Variants in ZNF804B observed in about 807,000 individuals in gnomAD.
ZNF804B encodes zinc finger 804B.
ZNF804B carries 80 observed loss-of-function variants against 101.4 expected under a neutral mutation model. The observed-to-expected ratio is 0.79, with a 90% CI of 0.66 to 0.95. The LOEUF is 0.95. Among genes scored for constraint, ZNF804B ranks in the 40% least tolerant of loss-of-function variants. ZNF804B has a pLI of 0.00. For missense variants in ZNF804B, 1,673 were observed against 1,561.9 expected (o/e 1.07, Z -1.20); for synonymous variants, 622 against 558.8 (o/e 1.11, Z -1.59).
At chr7:88,785,913 G>A (rs1033942295) in intron 1 of ZNF804B, among the ~76,000 whole-genome samples, 6 of 152,030 alleles carry the variant, frequency 3.9e-5, no homozygotes, top group Non-Finnish European at 7.4e-5. Context: ...TCTAAATTAG[G>A]TGAAGTTAGG....
rs534524551 is a variant in ZNF804B, at chr7:89,218,168, A to G, written c.122A>G (p.Lys41Arg). The change falls in exon 2 of 4, where the codon AAG (lysine) becomes AGG (arginine). Residue 41 changes from lysine to arginine, a missense_variant. Lys to Arg is a conservative substitution (Grantham distance 26). Coordinates refer to ENST00000333190, the MANE Select transcript of ZNF804B (RefSeq NM_181646.5). ...NGSPSPDFAE[K>R]KSTAKALEDV... ...TTTTTCTTAAAGGATTTTGCAGAAAAGAAGTCCACAGCAAAGGCCCTGGAA... is the reference window on the plus strand; with the variant it reads ...TTTTTCTTAAAGGATTTTGCAGAAAGGAAGTCCACAGCAAAGGCCCTGGAA... The G allele has an allele frequency of 2.5e-6, 4 of 1,612,138 alleles. 1 individual carries two copies. The African/African-American group carries it at 4.0e-5, about 16-fold the overall frequency.
chr7:89,021,874 AG>A (rs933707259), intron 1 of ZNF804B, among the ~76,000 whole-genome samples: 12 of 152,176 alleles, frequency 7.9e-5, no homozygotes, highest in African/African-American at 2.9e-4. Flanking sequence ...TGGGACACAA[AG>A]GGTCAGTAGG....
intron 1 of ZNF804B, among the ~76,000 whole-genome samples, chr7:88,957,874 T>C (rs17302169): frequency 0.02 from 3,079 of 151,380 alleles, 60 homozygotes; most frequent in Non-Finnish European, 0.032. Context: ...ACTTCTAAAA[T>C]ACTTAGTCTC....
At chr7:89,024,132 C>A (rs1403579373) in intron 1 of ZNF804B, among the ~76,000 whole-genome samples, 3 of 152,174 alleles carry the variant, frequency 2.0e-5, no homozygotes, top group Non-Finnish European at 4.4e-5. Flanking sequence ...CTAATAATAT[C>A]CCACTGGCTA....
intron 1 of ZNF804B, among the ~76,000 whole-genome samples, chr7:88,894,504 C>T (rs1454772464): frequency 6.6e-6 from 1 of 151,958 alleles, no homozygotes; most frequent in African/African-American, 2.4e-5. Context: ...GAGCCACCGC[C>T]CCTGGCCCAA....
At chr7:89,289,522 TAC>T (rs1373919771) in intron 2 of ZNF804B, among the ~76,000 whole-genome samples, 1 of 152,136 alleles carries the variant, frequency 6.6e-6, no homozygotes, top group East Asian at 1.9e-4. Flanking sequence ...AGCCATGTGG[TAC>T]AGAGAGAATC....
intron 1 of ZNF804B, among the ~76,000 whole-genome samples, chr7:89,161,679 C>G (rs541646632): frequency 7.1e-4 from 108 of 152,102 alleles, no homozygotes; most frequent in African/African-American, 2.5e-3. Flanking sequence ...CATGAACCAC[C>G]ACACCTGGCC....
At chr7:88,940,007 T>C (rs1793033442) in intron 1 of ZNF804B, among the ~76,000 whole-genome samples, 1 of 151,974 alleles carries the variant, frequency 6.6e-6, no homozygotes, top group South Asian at 2.1e-4. Context: ...AGTAATAATA[T>C]GGAAAATTAA....
chr7:89,251,710 TAGAA>T (rs1175585205), intron 2 of ZNF804B, among the ~76,000 whole-genome samples: 1 of 151,856 alleles, frequency 6.6e-6, no homozygotes, highest in Non-Finnish European at 1.5e-5. Flanking sequence ...ATTACAAAAA[TAGAA>T]AGACCAATGG....
At chr7:88,766,704 T>C (rs1356215455) in intron 1 of ZNF804B, among the ~76,000 whole-genome samples, 1 of 152,224 alleles carries the variant, frequency 6.6e-6, no homozygotes, top group African/African-American at 2.4e-5. Context: ...TATATTTTGC[T>C]GTTTTAATGT....
At chr7:89,086,293 G>A (rs1275185588) in intron 1 of ZNF804B, among the ~76,000 whole-genome samples, 3 of 151,946 alleles carry the variant, frequency 2.0e-5, no homozygotes, top group Non-Finnish European at 2.9e-5. Context: ...ATTTCGTGAT[G>A]CAGAAATGTA....
At chr7:88,820,897 G>A (rs1423312587) in intron 1 of ZNF804B, among the ~76,000 whole-genome samples, 2 of 152,126 alleles carry the variant, frequency 1.3e-5, no homozygotes, top group Non-Finnish European at 2.9e-5. Context: ...GGGGAGAAAA[G>A]ACTGTGAATA....
intron 1 of ZNF804B, among the ~76,000 whole-genome samples, chr7:89,143,783 A>T (rs1562896115): frequency 6.6e-6 from 1 of 152,020 alleles, no homozygotes; most frequent in Non-Finnish European, 1.5e-5. Context: ...TATAACAAGT[A>T]AGTATGAGTT....
intron 1 of ZNF804B, among the ~76,000 whole-genome samples, chr7:89,006,559 A>T (rs937188257): frequency 6.6e-6 from 1 of 152,048 alleles, no homozygotes. Flanking sequence ...TAGATAAAAT[A>T]ATAGTTATTA....
chr7:89,055,934 G>A (rs1005147284), intron 1 of ZNF804B, among the ~76,000 whole-genome samples: 11 of 152,250 alleles, frequency 7.2e-5, no homozygotes, highest in South Asian at 4.1e-4. Flanking sequence ...TTCTCAGGTG[G>A]TTGATTTTTC....
chr7:89,294,142 G>T (rs1396347118), intron 2 of ZNF804B, among the ~76,000 whole-genome samples: 1 of 152,142 alleles, frequency 6.6e-6, no homozygotes, highest in Non-Finnish European at 1.5e-5. Flanking sequence ...ATGCATTCAA[G>T]AAAAGTAGTT....
rs1304148894 is a variant in ZNF804B, at chr7:89,335,549, C to T, written c.2567C>T (p.Ser856Phe). The T allele has an allele frequency of 6.2e-7, 1 of 1,613,918 alleles. No individual in the cohort carries two copies. Among genetic ancestry groups the T allele is most frequent in the Admixed American group, 1.7e-5 (1 of 59,942 alleles). Reference sequence around the variant, plus strand: ...GGAACTCAGCACGACAGATTGGACTCTTACTCAATAGAGAAAATGTATTAC... The same window carrying T: ...GGAACTCAGCACGACAGATTGGACTTTTACTCAATAGAGAAAATGTATTAC... ...CQGTQHDRLD[S>F]YSIEKMYYLN... The change falls in exon 4 of 4, where the codon TCT becomes TTT. Residue 856 changes from serine (S) to phenylalanine (F), a missense_variant. Ser to Phe is a radical substitution (Grantham distance 155). Transcript: ENST00000333190.
chr7:88,930,768 T>C (rs1792870889), intron 1 of ZNF804B, among the ~76,000 whole-genome samples: 1 of 151,890 alleles, frequency 6.6e-6, no homozygotes, highest in South Asian at 2.1e-4. Context: ...ATCAAATTTG[T>C]CAGAGAAATT....
chr7:88,855,717 C>T (rs937985894), intron 1 of ZNF804B, among the ~76,000 whole-genome samples: 5 of 152,158 alleles, frequency 3.3e-5, no homozygotes, highest in Admixed American at 6.5e-5. Context: ...AGGTTTTCTT[C>T]TAGGGTTTGT....
Sources: allele counts gnomAD v4.1 joint callset (sites outside exome capture counted in the v4.1 genomes callset), GRCh38; gene constraint gnomAD v4.1.1; transcripts MANE v1.5; gene names NCBI Gene and HGNC (gene_info 2026-07-23, HGNC 2026-07-21).